Variants in TPD52L1 observed in about 807,000 individuals in gnomAD.
TPD52L1 encodes the protein tumor protein D53.
A neutral mutation model predicts 28.7 loss-of-function variants in TPD52L1; 18 were observed. The ratio of observed to expected loss-of-function variants is 0.63; its 90% CI spans 0.43 to 0.93. TPD52L1 has a LOEUF of 0.93. Ranked by LOEUF, TPD52L1 falls within the 40% of genes least tolerant of loss-of-function variation. The pLI is 0.00. For missense variants in TPD52L1, 203 were observed against 254.8 expected, an observed-to-expected ratio of 0.80 and a Z score of 1.39; for synonymous variants, 75 against 88.8, an observed-to-expected ratio of 0.84 and a Z score of 0.88.
chr6:125,162,129 T>C (rs1037326101), intron 1 of TPD52L1, among the ~76,000 whole-genome samples: 1 of 152,236 alleles, frequency 6.6e-6, no homozygotes, highest in African/African-American at 2.4e-5. Flanking sequence ...TTAAGAGTAT[T>C]ATTAAGACTA....
At chr6:125,221,832 G>C (rs761868959) in intron 2 of TPD52L1, 7 of 152,126 alleles carry the variant, frequency 4.6e-5, no homozygotes, top group Non-Finnish European at 1.0e-4. Flanking sequence ...CTTTGTTACT[G>C]TGTTCAAGTT....
At position 125,190,519 on chromosome 6, in the gene TPD52L1, T is replaced by G. The variant is rs945657503; in HGVS notation, c.20-29559T>G. Among the ~76,000 whole-genome samples the G allele has an allele frequency of 6.6e-5, 10 of 152,276 alleles. No homozygotes were observed. The East Asian group carries it at 1.7e-3, about 26-fold the overall frequency. Reference sequence around the variant, plus strand: ...ACAGACGAAGGTTGGGGGATGGTTTTGGGATGACTCAAAAACATTACATTT... The same window carrying G: ...ACAGACGAAGGTTGGGGGATGGTTTGGGGATGACTCAAAAACATTACATTT... On this transcript the variant is annotated intron_variant, in intron 1 of 6. Coordinates refer to ENST00000534000, the MANE Select transcript of TPD52L1 (RefSeq NM_003287.4).
chr6:125,247,519 CTT>C (rs1029250676), intron 3 of TPD52L1, among the ~76,000 whole-genome samples: 1 of 152,104 alleles, frequency 6.6e-6, no homozygotes, highest in African/African-American at 2.4e-5. Context: ...ATACCTCTTT[CTT>C]TTCCTAGTGC....
At chr6:125,236,320 A>C (rs1369245346) in intron 3 of TPD52L1, among the ~76,000 whole-genome samples, 1 of 152,174 alleles carries the variant, frequency 6.6e-6, no homozygotes, top group African/African-American at 2.4e-5. Context: ...GACATAAATA[A>C]TATTAATACC....
chr6:125,211,327 G>T (rs1794492335), intron 1 of TPD52L1, among the ~76,000 whole-genome samples: 1 of 151,186 alleles, frequency 6.6e-6, no homozygotes, highest in Non-Finnish European at 1.5e-5. Context: ...ATATGTTAAA[G>T]ATGTAAAATA....
At chr6:125,260,919 AAG>A (rs1221487934) in intron 6 of TPD52L1, 6 of 70,514 alleles carry the variant, frequency 8.5e-5, no homozygotes, top group African/African-American at 5.2e-4. Context: ...GAAAGAAAGA[AAG>A]AAGAAAGAAA....
At chr6:125,162,857 G>A (rs1317624634) in intron 1 of TPD52L1, among the ~76,000 whole-genome samples, 1 of 152,166 alleles carries the variant, frequency 6.6e-6, no homozygotes, top group African/African-American at 2.4e-5. Flanking sequence ...TGAAAACTTT[G>A]CATCCATTAT....
intron 5 of TPD52L1, among the ~76,000 whole-genome samples, chr6:125,254,254 G>A (rs1797457204): frequency 6.6e-6 from 1 of 152,196 alleles, no homozygotes; most frequent in Admixed American, 6.5e-5. Context: ...ATAATAAAAT[G>A]TCAGTATAAT....
chr6:125,199,543 G>A lies in TPD52L1; in HGVS notation c.20-20535G>A, dbSNP rs193151041. ...TCTACTAAAAATACAAAATTAGCCA[G>A]GCGTGGTGCTACATGCCTGTAATCC... On this transcript the variant is annotated intron_variant, in intron 1 of 6. Coordinates refer to ENST00000534000, the MANE Select transcript of TPD52L1 (RefSeq NM_003287.4). Among the ~76,000 whole-genome samples, 25 of 152,288 alleles carry A rather than the reference G, an allele frequency of 1.6e-4. No individual in the cohort carries two copies. In the East Asian group the frequency reaches 4.6e-3, roughly 28 times the overall value.
intron 1 of TPD52L1, among the ~76,000 whole-genome samples, chr6:125,200,119 A>C (rs530229150): frequency 6.6e-6 from 1 of 152,292 alleles, no homozygotes; most frequent in East Asian, 1.9e-4. Flanking sequence ...TTCATTTTTG[A>C]GCTTTGTTTG....
chr6:125,154,054 G>A (rs1373107045), intron 1 of TPD52L1, 84 bp downstream of exon 1: 3 of 1,529,174 alleles, frequency 2.0e-6, no homozygotes, highest in Non-Finnish European at 2.6e-6. Context: ...CTTCGCTCTC[G>A]GACAGAACAG....
At chr6:125,236,761 T>A (rs969376950) in intron 3 of TPD52L1, among the ~76,000 whole-genome samples, 1 of 152,104 alleles carries the variant, frequency 6.6e-6, no homozygotes, top group African/African-American at 2.4e-5. Flanking sequence ...CTCAATAGAC[T>A]TTCTTCCTTT....
At chr6:125,240,960 G>A (rs1249506345) in intron 3 of TPD52L1, among the ~76,000 whole-genome samples, 1 of 151,994 alleles carries the variant, frequency 6.6e-6, no homozygotes, top group Non-Finnish European at 1.5e-5. Context: ...CTGGCTGTGG[G>A]TTTGTCATAG....
intron 2 of TPD52L1, among the ~76,000 whole-genome samples, chr6:125,224,442 CT>C (rs1282748907): frequency 6.6e-6 from 1 of 151,720 alleles, no homozygotes; most frequent in Non-Finnish European, 1.5e-5. Context: ...GTGTCTTACA[CT>C]TGCAAAGAAG....
intron 1 of TPD52L1, among the ~76,000 whole-genome samples, chr6:125,181,570 G>A (rs1792201595): frequency 6.6e-6 from 1 of 152,176 alleles, no homozygotes; most frequent in Admixed American, 6.5e-5. Context: ...GAGTACTGAG[G>A]AAAGACCTAA....
chr6:125,251,903 C>A, intron 4 of TPD52L1: 1 of 958,818 alleles, frequency 1.0e-6, no homozygotes, highest in Non-Finnish European at 1.6e-6. Context: ...GTAAATGAAG[C>A]TACCCTGTCT....
At chr6:125,174,505 A>C (rs1791703135) in intron 1 of TPD52L1, among the ~76,000 whole-genome samples, 1 of 152,166 alleles carries the variant, frequency 6.6e-6, no homozygotes, top group African/African-American at 2.4e-5. Context: ...CTGAAGCATC[A>C]ATTGTACCTA....
chr6:125,187,510 A>G, intron 1 of TPD52L1, among the ~76,000 whole-genome samples: 1 of 152,216 alleles, frequency 6.6e-6, no homozygotes, highest in East Asian at 1.9e-4. Flanking sequence ...AAAATAAAAT[A>G]AAATAAATAT....
intron 3 of TPD52L1, among the ~76,000 whole-genome samples, chr6:125,233,753 T>G (rs1796095663): frequency 6.6e-6 from 1 of 152,252 alleles, no homozygotes; most frequent in Admixed American, 6.5e-5. Context: ...TTTTTATTTC[T>G]TCTAGTTGTA....
Sources: allele counts gnomAD v4.1 joint callset (sites outside exome capture counted in the v4.1 genomes callset), GRCh38; gene constraint gnomAD v4.1.1; transcripts MANE v1.5; gene names NCBI Gene and HGNC (gene_info 2026-07-23, HGNC 2026-07-21).